The following SULT1A1 variants were observed in gnomAD, a reference collection of about 807,000 sequenced individuals.
The protein encoded by SULT1A1 is sulfotransferase 1A1.
A neutral mutation model predicts 36.8 loss-of-function variants in SULT1A1; 35 were observed. The observed-to-expected ratio is 0.95, with a 90% CI of 0.73 to 1.26. SULT1A1 has a LOEUF of 1.26. Among genes scored for constraint, SULT1A1 ranks in the 50% most tolerant of loss-of-function variants. The pLI is 0.00. For missense variants in SULT1A1, 309 were observed against 383.0 expected, an observed-to-expected ratio of 0.81 and a Z score of 1.61; for synonymous variants, 119 against 146.0, an observed-to-expected ratio of 0.82 and a Z score of 1.33.
intron 1 of SULT1A1, chr16:28,609,139 A>G (rs1379492366): frequency 7.1e-6 from 10 of 1,406,708 alleles, no homozygotes; most frequent in Admixed American, 2.9e-5. Context: ...TCGTCGGGCA[A>G]GGCCCAGATG....
chr16:28,611,729 G>A (rs1284398236), upstream of SULT1A1: 2 of 138,420 alleles, frequency 1.4e-5, no homozygotes, highest in African/African-American at 5.3e-5. Flanking sequence ...CAAGAGCCTG[G>A]AGAAGGCCTG....
upstream of SULT1A1, chr16:28,610,250 GGTTTTTTTTTTCT>G (rs1567312251): frequency 1.9e-5 from 11 of 572,616 alleles, no homozygotes; most frequent in East Asian, 8.7e-4. Flanking sequence ...TGTTTTTGTA[GGTTTTTTTTTTCT>G]GTTTTTTTTT....
At position 28,606,103 on chromosome 16, in the gene SULT1A1, A is replaced by G. The variant is rs758145522; in HGVS notation, c.728T>C (p.Val243Ala). ...KKNPMTNYTT[V>A]PQEFMDHSIS... ...GCTGTGGTCCATGAACTCCTGGGGG[A>G]CGGTGGTGTAGTTGGTCATAGGGTT... Residue 243 changes from valine (V) to alanine (A), a missense_variant, in exon 7 of 8, where the codon GTC (valine) becomes GCC (alanine). By Grantham distance (64) the Val-to-Ala change is moderately conservative. This residue lies in a region of SULT1A1 where 67 missense variants were observed against 122.0 expected (regional missense o/e 0.55). Transcript: ENST00000314752. 1.0e-5 allele frequency: 15 copies of G among 1,482,012 alleles called. No individual in the cohort carries two copies. The highest frequency in any genetic ancestry group is 5.6e-5 in the South Asian group (5 of 89,142). 91.8% of individuals were successfully genotyped at this position (1,482,012 alleles called of 1,614,324 possible). A position where few individuals can be genotyped will look rare whatever the true frequency, so the allele number is the denominator to read the frequency against.
chr16:28,606,319 G>A (rs2047184646), intron 6 of SULT1A1, 83 bp from the exon 7 acceptor site: 2 of 1,598,508 alleles, frequency 1.3e-6, no homozygotes, highest in Non-Finnish European at 8.5e-7. Flanking sequence ...TAACCTCAGA[G>A]GCGATCTGGC....
chr16:28,606,362 C>T, intron 6 of SULT1A1, 126 bp from the exon 7 acceptor site: 1 of 1,523,394 alleles, frequency 6.6e-7, no homozygotes. Context: ...GAGCCAACTC[C>T]TCAACCCCCA....
intron 1 of SULT1A1, among the ~76,000 whole-genome samples, chr16:28,621,482 CAAAAAAAA>C (rs59910514): frequency 6.7e-5 from 4 of 59,540 alleles, no homozygotes; most frequent in African/African-American, 3.7e-4. Context: ...GACTCTGTCT[CAAAAAAAA>C]AAAAAAAAAA....
In SULT1A1 at chr16:28,609,378, C is replaced by G; in HGVS notation, c.-4-519G>C. On this transcript the variant is annotated intron_variant, in intron 1 of 7. Transcript: ENST00000314752. ...ATCCACTTGCCTGGCCACAGTCCAT[C>G]TGGGCTCCAGGACAAACACGGCCCA... 8.5e-6 allele frequency: 11 copies of G among 1,290,332 alleles called. 1 individual carries two copies. Among genetic ancestry groups the G allele is most frequent in the Non-Finnish European group, 1.0e-5 (10 of 988,960 alleles). The allele number at this position is 1,290,332 out of a possible 1,614,324, so 79.9% of individuals were successfully genotyped here.
rs185555455 is a variant in SULT1A1 at position 28,605,591 on chromosome 16, C to T, written c.*230G>A. 1.7e-3 allele frequency: 1,291 copies of T among 750,806 alleles called. 52 individuals are homozygous for T. In the Admixed American group the frequency reaches 0.034, roughly 20 times the overall value. 46.5% of individuals were successfully genotyped at this position (750,806 alleles called of 1,614,324 possible). A position where few individuals can be genotyped will look rare whatever the true frequency, so the allele number is the denominator to read the frequency against. The stretch of plus-strand genomic sequence containing the variant: ...CTGGCCCACAATCATATTTTATTCT[C>T]TTTTTAAAAATTGGTTTTATTTTAT... On this transcript the variant is annotated 3_prime_UTR_variant, in exon 8 of 8. Coordinates refer to ENST00000314752, the MANE Select transcript of SULT1A1 (RefSeq NM_001055.4).
chr16:28,608,881 G>A (rs1305177776), intron 1 of SULT1A1, 22 bp from the exon 2 acceptor site: 2 of 1,611,432 alleles, frequency 1.2e-6, no homozygotes, highest in Non-Finnish European at 8.5e-7. Context: ...GCCAGAGCCA[G>A]GCCCGTTCCC....
chr16:28,621,639 G>A (rs2047658425), intron 1 of SULT1A1, among the ~76,000 whole-genome samples: 2 of 152,046 alleles, frequency 1.3e-5, no homozygotes, highest in Admixed American at 1.3e-4. Context: ...GAAGCTGTTT[G>A]CAAATCTAGT....
chr16:28,610,290 T>TTTTC (rs1567312461), upstream of SULT1A1: 4 of 1,046,574 alleles, frequency 3.8e-6, no homozygotes, highest in South Asian at 1.6e-5. Context: ...TTTTTTTTTT[T>TTTTC]CCGAGCTGTC....
chr16:28,620,240 T>C, intron 1 of SULT1A1: 1 of 1,022,336 alleles, frequency 9.8e-7, no homozygotes, highest in Non-Finnish European at 1.5e-6. Flanking sequence ...ATCACTATCA[T>C]CCATCAATAT....
intron 1 of SULT1A1, 89 bp from the exon 2 acceptor site, chr16:28,608,948 G>A (rs1360100145): frequency 5.0e-6 from 8 of 1,607,172 alleles, no homozygotes; most frequent in African/African-American, 1.3e-5. Flanking sequence ...AAGTCACTGA[G>A]GCCTAGGGAG....
intron 1 of SULT1A1, chr16:28,620,252 A>G: frequency 2.1e-6 from 2 of 953,190 alleles, no homozygotes; most frequent in Admixed American, 2.3e-5. Context: ...CATCAATATG[A>G]CCCTCTGATC....
At chr16:28,618,282 C>T (rs755043071) in intron 2 of SULT1A1, among the ~76,000 whole-genome samples, 5 of 149,926 alleles carry the variant, frequency 3.3e-5, no homozygotes, top group Non-Finnish European at 5.9e-5. Flanking sequence ...TACCGATCCT[C>T]TTGCCTCAGC....
At chr16:28,618,313 C>T (rs185604338) in intron 2 of SULT1A1, among the ~76,000 whole-genome samples, 70 of 141,054 alleles carry the variant, frequency 5.0e-4, no homozygotes, top group Non-Finnish European at 9.3e-4. Context: ...GCTGGGATTA[C>T]AAGTGTGAGC....
Position 28,623,375 on chromosome 16 carries a change from C to T in SULT1A1, c.-178G>A, listed in dbSNP as rs1214973415. 3 of 1,482,338 alleles carry T rather than the reference C, an allele frequency of 2.0e-6. No homozygotes were observed. The East Asian group carries it at 7.4e-5, about 37-fold the overall frequency. 91.8% of individuals were successfully genotyped at this position (1,482,338 alleles called of 1,614,324 possible). On this transcript the variant is annotated 5_prime_UTR_variant, in exon 1 of 6. Transcript: ENST00000350842. ...CGGCGGAGACGAGCGAGCTACGGCA[C>T]GCTCGTAGAGCGTAGAGCTACGTTG...
At chr16:28,609,457 C>T (rs1459091208) in intron 1 of SULT1A1, 1 of 1,222,410 alleles carries the variant, frequency 8.2e-7, no homozygotes, top group Non-Finnish European at 1.1e-6. Context: ...ATGAACAAAA[C>T]TCTGATGACT....
At chr16:28,622,400 C>T (rs1255662383) in intron 1 of SULT1A1, among the ~76,000 whole-genome samples, 1 of 152,174 alleles carries the variant, frequency 6.6e-6, no homozygotes, top group Non-Finnish European at 1.5e-5. Context: ...CTGTCCCCCA[C>T]ACCCCAGGCC....
Sources: gnomAD v4.1 joint callset for allele counts (sites outside exome capture counted in the v4.1 genomes callset) on GRCh38, gnomAD v4.1.1 for gene constraint, gnomAD v4.1.1 regional missense constraint, MANE v1.5 for transcripts, NCBI Gene and HGNC (gene_info 2026-07-23, HGNC 2026-07-21) for gene names.